BUD31: variants seen among roughly 807,000 people sequenced by gnomAD.
BUD31 encodes the protein protein BUD31 homolog.
A neutral mutation model predicts 17.9 loss-of-function variants in BUD31; 9 were observed. The observed-to-expected ratio is 0.50, with a 90% CI of 0.30 to 0.88. BUD31 has a LOEUF of 0.88. Ranked by LOEUF, BUD31 falls within the 40% of genes least tolerant of loss-of-function variation. The pLI is 0.06. For synonymous variants in BUD31, 70 were observed against 64.7 expected, an observed-to-expected ratio of 1.08 and a Z score of -0.39; for missense variants, 148 against 184.5, an observed-to-expected ratio of 0.80 and a Z score of 1.15.
chr7:99,417,254 T>C (rs914630835), intron 4 of BUD31, 175 bp from the exon 5 acceptor site: 16 of 580,162 alleles, frequency 2.8e-5, no homozygotes, highest in Middle Eastern at 4.8e-4. Flanking sequence ...GGTTTTACCA[T>C]GTTGGCCGGG....
At chr7:99,414,298 C>T (rs2150924615) in intron 3 of BUD31, among the ~76,000 whole-genome samples, 1 of 152,146 alleles carries the variant, frequency 6.6e-6, no homozygotes, top group Non-Finnish European at 1.5e-5. Context: ...CACTACCACG[C>T]CCGGCTAATT....
At chr7:99,417,980 C>T in intron 5 of BUD31, 1 of 1,176,198 alleles carries the variant, frequency 8.5e-7, no homozygotes, top group Non-Finnish European at 1.1e-6. Context: ...TCTTTCCCGC[C>T]CCCCCAAGAC....
Position 99,419,451 on chromosome 7 carries a change from G to A in BUD31, c.*10G>A, listed in dbSNP as rs563436821. On this transcript the variant is annotated 3_prime_UTR_variant, in exon 6 of 6. Coordinates refer to ENST00000222969, the MANE Select transcript of BUD31 (RefSeq NM_003910.4). ...TGGCTGCTCTGGCTGAGGCTGGCGC[G>A]CTCCACCCTGGACTCTGGACTTCGC... is the stretch of plus-strand genomic sequence containing the variant. 56 of 1,610,154 alleles carry A rather than the reference G, an allele frequency of 3.5e-5. No homozygotes were observed. The highest frequency in any genetic ancestry group is 4.2e-5 in the Non-Finnish European group (49 of 1,179,978).
At chr7:99,416,397 C>T (rs895749174) in intron 4 of BUD31, 137 bp downstream of exon 4, 8 of 1,160,830 alleles carry the variant, frequency 6.9e-6, no homozygotes, top group Non-Finnish European at 9.7e-6. Context: ...CCAACGTTGG[C>T]TGAGTTTTGT....
chr7:99,418,085 A>C, intron 5 of BUD31: 3 of 743,866 alleles, frequency 4.0e-6, no homozygotes, highest in Non-Finnish European at 5.2e-6. Flanking sequence ...CTCCTGCCTC[A>C]TCCTCCTGAG....
chr7:99,409,349 C>G (rs73711213), intron 1 of BUD31, 104 bp downstream of exon 1: 1 of 152,422 alleles, frequency 6.6e-6, no homozygotes. Flanking sequence ...CTTCGCTCCT[C>G]CTCGCCTCCT....
intron 3 of BUD31, among the ~76,000 whole-genome samples, chr7:99,412,171 T>G (rs1284832540): frequency 6.6e-6 from 1 of 152,224 alleles, no homozygotes; most frequent in Non-Finnish European, 1.5e-5. Flanking sequence ...TATTAAATAC[T>G]CAGTACTTGT....
In BUD31 at chr7:99,417,571, C is replaced by T. The variant is rs554222945; in HGVS notation, c.360C>T (p.Arg120=). ...DTNFGTNCIC[R]VPKSKLEVGR... Reference sequence around the variant, plus strand: ...ACTTCGGGACGAACTGCATCTGCCGCGTGCCCAAAAGCAAGCTGGAAGTGG... The same window carrying T: ...ACTTCGGGACGAACTGCATCTGCCGTGTGCCCAAAAGCAAGCTGGAAGTGG... The change falls in exon 5 of 6, where the codon CGC becomes CGT. Residue 120 remains arginine, a synonymous_variant. Transcript: ENST00000222969. 69 of 1,612,814 alleles carry T rather than the reference C, an allele frequency of 4.3e-5. No individual in the cohort carries two copies. In the Middle Eastern group the frequency reaches 6.6e-4, roughly 15 times the overall value.
chr7:99,415,655 C>G lies in BUD31; in HGVS notation c.95-483C>G, dbSNP rs1466143647. ...CCTTGACACTAACGCTACTGCTAGA[C>G]CAAGGTCCGCTTGGCAACGGGCATC... is the stretch of plus-strand genomic sequence containing the variant. On this transcript the variant is annotated intron_variant, in intron 3 of 5. Transcript: ENST00000222969. Among the ~76,000 whole-genome samples, 6 of 152,244 alleles carry G rather than the reference C, an allele frequency of 3.9e-5. 1 individual carries two copies. The East Asian group carries it at 7.7e-4, about 20-fold the overall frequency.
intron 3 of BUD31, 140 bp from the exon 4 acceptor site, chr7:99,415,997 CG>C: frequency 1.7e-6 from 2 of 1,165,712 alleles, no homozygotes; most frequent in Non-Finnish European, 2.4e-6. Context: ...TTTCTTGCCT[CG>C]GCACCTGGGT....
Position 99,417,511 on chromosome 7 carries a change from G to C in BUD31, c.300G>C (p.Leu100Phe). ...AKWKKQGYEN[L>F]CCLRCIQTRD... is the part of the protein sequence containing the mutation. Reference sequence around the variant, plus strand: ...GGAAAAAGCAAGGATATGAGAACTTGTGCTGCCTGCGGTGCATTCAGACAC... The same window carrying C: ...GGAAAAAGCAAGGATATGAGAACTTCTGCTGCCTGCGGTGCATTCAGACAC... The change falls in exon 5 of 6, where the codon TTG becomes TTC. Residue 100 changes from leucine to phenylalanine, a missense_variant. Physicochemically the swap from Leu to Phe is conservative, Grantham distance 22. Coordinates refer to ENST00000222969, the MANE Select transcript of BUD31 (RefSeq NM_003910.4). The C allele has an allele frequency of 3.1e-6, 5 of 1,611,700 alleles. No individual in the cohort carries two copies. Among genetic ancestry groups the C allele is most frequent in the Non-Finnish European group, 4.2e-6 (5 of 1,178,322 alleles).
intron 2 of BUD31, among the ~76,000 whole-genome samples, chr7:99,410,677 T>C (rs866684868): frequency 1.6e-4 from 24 of 152,256 alleles, no homozygotes; most frequent in African/African-American, 5.8e-4. Flanking sequence ...GGCTTAACTT[T>C]TGTTCTGTGT....
intron 5 of BUD31, chr7:99,419,033 G>A (rs1158293918): frequency 1.8e-5 from 5 of 279,216 alleles, no homozygotes; most frequent in Admixed American, 4.9e-5. Context: ...AGGCCCCCCT[G>A]AAGTCCCCAA....
intron 3 of BUD31, among the ~76,000 whole-genome samples, chr7:99,412,184 T>G (rs536715990): frequency 6.6e-6 from 1 of 152,346 alleles, no homozygotes; most frequent in South Asian, 2.1e-4. Context: ...GTACTTGTTT[T>G]GCAGTTTAGA....
intron 5 of BUD31, 162 bp downstream of exon 5, chr7:99,417,757 C>T: frequency 6.5e-7 from 1 of 1,533,740 alleles, no homozygotes. Context: ...TTCAGGAATC[C>T]ATGTGAGGCA....
chr7:99,415,604 C>G (rs189335811), intron 3 of BUD31, among the ~76,000 whole-genome samples: 1 of 152,032 alleles, frequency 6.6e-6, no homozygotes, highest in Non-Finnish European at 1.5e-5. Flanking sequence ...TTCCCTTTCC[C>G]GGTCTGCTAA....
At chr7:99,410,530 G>A (rs1795138940) in intron 2 of BUD31, among the ~76,000 whole-genome samples, 1 of 151,632 alleles carries the variant, frequency 6.6e-6, no homozygotes, top group Non-Finnish European at 1.5e-5. Context: ...ATGAGCCACC[G>A]TGCCTGACCT....
intron 5 of BUD31, chr7:99,418,676 A>T (rs1584445821): frequency 6.6e-6 from 1 of 152,568 alleles, no homozygotes; most frequent in South Asian, 2.1e-4. Flanking sequence ...AGAGTGGCAG[A>T]AGCCCCCTTC....
Position 99,416,069 on chromosome 7 carries a change from T to C in BUD31, c.95-69T>C. 3 of 1,584,430 alleles carry C rather than the reference T, an allele frequency of 1.9e-6. No homozygotes were observed. In the South Asian group the frequency reaches 3.4e-5, roughly 18 times the overall value. On this transcript the variant is annotated intron_variant, in intron 3 of 5. Transcript: ENST00000222969. Reference sequence around the variant, plus strand: ...GTGGTATTTATTCATTATCAGTAGTTACTTACAAAAAGAAAATCCTGCGCA... The same window carrying C: ...GTGGTATTTATTCATTATCAGTAGTCACTTACAAAAAGAAAATCCTGCGCA...
Sources: allele counts gnomAD v4.1 joint callset (sites outside exome capture counted in the v4.1 genomes callset), GRCh38; gene constraint gnomAD v4.1.1; transcripts MANE v1.5; gene names NCBI Gene and HGNC (gene_info 2026-07-23, HGNC 2026-07-21).